RELCH: variants seen among roughly 807,000 people sequenced by gnomAD.
RELCH encodes the protein RAB11 binding and LisH domain, coiled-coil and HEAT repeat containing.
Under a neutral mutation model 150.3 loss-of-function variants are expected in RELCH, and 41 were observed. That is an observed-to-expected ratio of 0.27 (90% confidence interval 0.21 to 0.35). The LOEUF (loss-of-function observed/expected upper bound fraction) is 0.35, where lower values mean the gene tolerates loss of function less well. Among genes scored for constraint, RELCH ranks in the 10% least tolerant of loss-of-function variants. The probability of loss-of-function intolerance (pLI) is 1.00; values close to 1 mark genes in which losing one functional copy is unlikely to be tolerated. For synonymous variants in RELCH, 478 were observed against 531.8 expected (o/e 0.90, Z 1.39); for missense variants, 1,092 against 1,467.8 (o/e 0.74, Z 4.18).
intron 20 of RELCH, 122 bp from the exon 21 acceptor site, chr18:62,273,858 A>G: frequency 3.2e-6 from 2 of 628,974 alleles, no homozygotes; most frequent in Admixed American, 2.8e-5. Context: ...TAATTAAAAT[A>G]GCTTCCAAAT....
intron 1 of RELCH, among the ~76,000 whole-genome samples, chr18:62,190,086 TG>T (rs1265388930): frequency 1.3e-5 from 2 of 152,248 alleles, no homozygotes; most frequent in Non-Finnish European, 2.9e-5. Flanking sequence ...CTGTCTTTAA[TG>T]GTAGTTGCCT....
Position 62,305,381 on chromosome 18 carries a change from T to C in RELCH, c.3531-33T>C, listed in dbSNP as rs1343697371. On this transcript the variant is annotated intron_variant, in intron 28 of 28. Transcript: ENST00000644646. This position sits in a 1 kb window ranked among gnomAD's most constrained non-coding sequence, Gnocchi z 4.0. ...AATGAAAAATTTTTATTTTTTTAAT[T>C]GCTTTACATGAATTTTAAATTTTCT... is the stretch of plus-strand genomic sequence containing the variant. The C allele has an allele frequency of 6.4e-7, 1 of 1,563,058 alleles. No homozygotes were observed. The highest frequency in any genetic ancestry group is 2.0e-5 in the Admixed American group (1 of 48,816).
rs779167473 is a variant in RELCH at position 62,187,796 on chromosome 18, C to T, written c.291C>T (p.Ile97=). Reference sequence around the variant, plus strand: ...CGGCCCGATTATCAATTGATGCGATCGCTGCTCAGCTGTTGCGCGATCAAT... The same window carrying T: ...CGGCCCGATTATCAATTGATGCGATTGCTGCTCAGCTGTTGCGCGATCAAT... The part of the protein sequence containing the change: ...ETPARLSIDA[I]AAQLLRDQYL... The change falls in exon 1 of 29, where the codon ATC becomes ATT. Residue 97 remains isoleucine (I), a synonymous_variant. Coordinates refer to ENST00000644646, the MANE Select transcript of RELCH (RefSeq NM_001346231.2). 11 of 1,601,632 alleles carry T rather than the reference C, an allele frequency of 6.9e-6. No homozygotes were observed. Among genetic ancestry groups the T allele is most frequent in the South Asian group, 1.1e-5 (1 of 90,002 alleles).
At chr18:62,284,412 GCCT>G (rs1466253947) in intron 25 of RELCH, 1 of 152,158 alleles carries the variant, frequency 6.6e-6, no homozygotes, top group East Asian at 1.9e-4. Context: ...TATCCTTAAA[GCCT>G]CCTGCAACTT....
At chr18:62,252,304 G>T (rs1163832025) in intron 11 of RELCH, among the ~76,000 whole-genome samples, 1 of 151,714 alleles carries the variant, frequency 6.6e-6, no homozygotes, top group Non-Finnish European at 1.5e-5. Context: ...GGGCCAAAAG[G>T]TCTAATTTTT....
At chr18:62,229,263 C>T (rs1459129604) in intron 8 of RELCH, among the ~76,000 whole-genome samples, 1 of 152,024 alleles carries the variant, frequency 6.6e-6, no homozygotes, top group Non-Finnish European at 1.5e-5. Context: ...TATACTAACT[C>T]ATTTAATTCT....
intron 1 of RELCH, among the ~76,000 whole-genome samples, chr18:62,194,593 A>G (rs765795441): frequency 3.3e-5 from 5 of 152,236 alleles, no homozygotes; most frequent in Non-Finnish European, 2.9e-5. Flanking sequence ...GAAGATTTCA[A>G]CTAAGCTCCT....
Position 62,247,566 on chromosome 18 carries a change from CAG to C in RELCH, c.1733+2691_1733+2692del, listed in dbSNP as rs575163045. 7.9e-4 allele frequency among the ~76,000 whole-genome samples: 117 copies of C among 147,598 alleles called. 1 individual carries two copies. The highest frequency in any genetic ancestry group is 2.9e-3 in the African/African-American group (114 of 39,882). ...CGATTTTTTTTTTTTTTTCCTGAGA[CAG>C]GGTCTCACTCTGTCTCCCAGGCTGG... On this transcript the variant is annotated intron_variant, in intron 11 of 28. Transcript: ENST00000644646.
chr18:62,203,556 A>G (rs1331239105), intron 1 of RELCH, among the ~76,000 whole-genome samples: 2 of 152,210 alleles, frequency 1.3e-5, no homozygotes, highest in Non-Finnish European at 2.9e-5. Context: ...TAAAAATAAT[A>G]CTGAACATTG....
intron 18 of RELCH, 26 bp from the exon 19 acceptor site, chr18:62,266,675 T>C: frequency 6.4e-7 from 1 of 1,557,152 alleles, no homozygotes; most frequent in African/African-American, 1.4e-5. Context: ...CTGAGACTTT[T>C]TGAATCTTCT....
chr18:62,206,250 A>G (rs1054828382), intron 1 of RELCH, among the ~76,000 whole-genome samples: 4 of 152,172 alleles, frequency 2.6e-5, no homozygotes, highest in Admixed American at 2.6e-4. Context: ...GGTTTTCACC[A>G]TGTTGGCCAG....
At chr18:62,251,692 A>T (rs1457267630) in intron 11 of RELCH, among the ~76,000 whole-genome samples, 1 of 152,224 alleles carries the variant, frequency 6.6e-6, no homozygotes, top group Non-Finnish European at 1.5e-5. Flanking sequence ...GATTCTTAAA[A>T]TACCACTTTA....
At chr18:62,260,495 C>G (rs1473162448) in intron 15 of RELCH, among the ~76,000 whole-genome samples, 4 of 151,538 alleles carry the variant, frequency 2.6e-5, no homozygotes, top group African/African-American at 4.8e-5. Context: ...CCTCACAAAA[C>G]TAAAAACAGA....
chr18:62,296,120 C>T (rs1311385967), intron 27 of RELCH, among the ~76,000 whole-genome samples: 1 of 151,892 alleles, frequency 6.6e-6, no homozygotes, highest in Non-Finnish European at 1.5e-5. Flanking sequence ...TCCTAATGAC[C>T]CAGAATATGA....
intron 10 of RELCH, chr18:62,235,539 G>A (rs1168281475): frequency 6.6e-6 from 1 of 152,010 alleles, no homozygotes; most frequent in African/African-American, 2.4e-5. Context: ...AGATCTCTTT[G>A]GGAGTATTGT....
rs1184694703 is a variant in RELCH, at chr18:62,266,810, A to G, written c.2680+61A>G. 5.3e-6 allele frequency: 5 copies of G among 940,398 alleles called. No homozygotes were observed. In the East Asian group the frequency reaches 7.7e-5, roughly 14 times the overall value. 58.3% of individuals were successfully genotyped at this position (940,398 alleles called of 1,614,324 possible). ...CATTTCTTTATGCAGGAAAAATACT[A>G]TATTCTCCATATATGTAAATTGTAT... On this transcript the variant is annotated intron_variant, in intron 19 of 28. Coordinates refer to ENST00000644646, the MANE Select transcript of RELCH (RefSeq NM_001346231.2).
At chr18:62,249,286 A>G (rs1040068961) in intron 11 of RELCH, among the ~76,000 whole-genome samples, 2 of 152,218 alleles carry the variant, frequency 1.3e-5, no homozygotes, top group South Asian at 2.1e-4. Context: ...AAACACTTCT[A>G]TAGACTTTGA....
rs1040608517 is a variant in RELCH, at chr18:62,277,584, G to GTA, written c.2967+2112_2967+2113dup. On this transcript the variant is annotated intron_variant, in intron 22 of 28. Coordinates refer to ENST00000644646, the MANE Select transcript of RELCH (RefSeq NM_001346231.2). ...AAAAAACACATTCTTTTTTTAAAAG[G>GTA]TAAGACCAGAAAGAAAAGAAAATGA... 8.1e-6 allele frequency: 7 copies of GTA among 859,096 alleles called. No individual in the cohort carries two copies. The African/African-American group carries it at 1.3e-4, about 16-fold the overall frequency. The allele number at this position is 859,096 out of a possible 1,614,324, so 53.2% of individuals were successfully genotyped here. A position where few individuals can be genotyped will look rare whatever the true frequency, so the allele number is the denominator to read the frequency against.
chr18:62,247,358 T>G (rs2042469262), intron 11 of RELCH: 1 of 152,158 alleles, frequency 6.6e-6, no homozygotes, highest in Non-Finnish European at 1.5e-5. Context: ...CAAGAATTCC[T>G]GGCTATTATA....
Sources: allele counts gnomAD v4.1 joint callset (sites outside exome capture counted in the v4.1 genomes callset), GRCh38; gene constraint gnomAD v4.1.1; non-coding constraint Gnocchi (gnomAD v3.1); transcripts MANE v1.5; gene names NCBI Gene and HGNC (gene_info 2026-07-23, HGNC 2026-07-21).